LYPD6: variants seen among roughly 807,000 people sequenced by gnomAD.
LYPD6 encodes the protein LY6/PLAUR domain containing 6.
A neutral mutation model predicts 22.7 loss-of-function variants in LYPD6; 15 were observed. That is an observed-to-expected ratio of 0.66 (90% CI 0.44 to 1.02). LYPD6 has a LOEUF of 1.02. LYPD6 is among the 50% of genes least tolerant of loss of function. The pLI is 0.00. For missense variants in LYPD6, 189 were observed against 208.4 expected, an observed-to-expected ratio of 0.91 and a Z score of 0.57; for synonymous variants, 72 against 77.5, an observed-to-expected ratio of 0.93 and a Z score of 0.37.
chr2:149,482,562 A>T, the LYPD6 span, among the ~76,000 whole-genome samples: 1 of 152,044 alleles, frequency 6.6e-6, no homozygotes, highest in East Asian at 1.9e-4. Flanking sequence ...GTTTCTTCAG[A>T]CCCCTTCCAT....
chr2:149,393,083 T>C (rs981753612), intron 1 of LYPD6, among the ~76,000 whole-genome samples: 3 of 152,210 alleles, frequency 2.0e-5, no homozygotes. Flanking sequence ...TGTATGGTCT[T>C]GTGTTCTTTT....
intron 1 of LYPD6, among the ~76,000 whole-genome samples, chr2:149,395,432 T>C (rs752263694): frequency 4.6e-5 from 7 of 152,146 alleles, no homozygotes; most frequent in African/African-American, 1.7e-4. Context: ...ATTTTGAATT[T>C]ATATGCTTTA....
At chr2:149,374,368 T>C in intron 1 of LYPD6, among the ~76,000 whole-genome samples, 1 of 152,202 alleles carries the variant, frequency 6.6e-6, no homozygotes. Flanking sequence ...CAATGTTTAG[T>C]CGAGGTTGAA....
At chr2:149,399,425 T>A (rs1283098677) in intron 1 of LYPD6, among the ~76,000 whole-genome samples, 1 of 152,124 alleles carries the variant, frequency 6.6e-6, no homozygotes, top group African/African-American at 2.4e-5. Context: ...TTTGTGTATT[T>A]TAGTATTTTG....
At chr2:149,389,151 C>T (rs1330095823) in intron 1 of LYPD6, among the ~76,000 whole-genome samples, 2 of 152,096 alleles carry the variant, frequency 1.3e-5, no homozygotes, top group Non-Finnish European at 2.9e-5. Flanking sequence ...AAATTGTATT[C>T]CCTTTGTGAC....
chr2:149,421,389 C>CAAAA (rs771199025), intron 1 of LYPD6, among the ~76,000 whole-genome samples: 4 of 67,398 alleles, frequency 5.9e-5, no homozygotes, highest in Non-Finnish European at 6.0e-5. Context: ...GACTCCATCT[C>CAAAA]AAAAAAAAAA....
intron 1 of LYPD6, among the ~76,000 whole-genome samples, chr2:149,369,295 G>C (rs905395663): frequency 7.2e-5 from 11 of 152,124 alleles, no homozygotes; most frequent in African/African-American, 2.2e-4. Context: ...GACCCAAAAA[G>C]TCTCCAGGAG....
intron 1 of LYPD6, among the ~76,000 whole-genome samples, chr2:149,340,181 A>G (rs1356875196): frequency 6.6e-6 from 1 of 152,158 alleles, no homozygotes; most frequent in South Asian, 2.1e-4. Flanking sequence ...AAAATATTTA[A>G]TATTTTTATG....
At chr2:149,399,160 T>C (rs1682495809) in intron 1 of LYPD6, among the ~76,000 whole-genome samples, 1 of 152,306 alleles carries the variant, frequency 6.6e-6, no homozygotes, top group South Asian at 2.1e-4. Context: ...TGAATTATAG[T>C]AGAATACAAC....
In LYPD6 at chr2:149,347,614, C is replaced by G. The variant is rs192510342; in HGVS notation, c.-72+16892C>G. On this transcript the variant is annotated intron_variant, in intron 1 of 4. Transcript: ENST00000334166. ...AATTTTATTTGCTGTAATTTTATCC[C>G]CAAAATGACAGATTCCTTTTTCATA... 2.9e-3 allele frequency among the ~76,000 whole-genome samples: 447 copies of G among 152,172 alleles called. 2 individuals are homozygous for G. The highest frequency in any genetic ancestry group is 9.7e-3 in the African/African-American group (401 of 41,510).
intron 2 of LYPD6, among the ~76,000 whole-genome samples, chr2:149,439,654 G>C (rs1432459939): frequency 6.6e-6 from 1 of 152,200 alleles, no homozygotes; most frequent in Non-Finnish European, 1.5e-5. Context: ...CAGTAGTGTG[G>C]TGGGTCAGTG....
intron 3 of LYPD6, among the ~76,000 whole-genome samples, chr2:149,459,516 C>G (rs1212725151): frequency 2.6e-5 from 4 of 152,220 alleles, no homozygotes; most frequent in Admixed American, 2.6e-4. Flanking sequence ...TCCTTCTTCT[C>G]TTGAGTTTTC....
rs192497867 is a variant in LYPD6 at position 149,449,530 on chromosome 2, A to G, written c.217+383A>G. 4.1e-4 allele frequency among the ~76,000 whole-genome samples: 62 copies of G among 152,346 alleles called. 1 individual carries two copies. The highest frequency in any genetic ancestry group is 2.6e-4 in the Admixed American group (4 of 15,302). ...TTCATATAAAGATTCCATTGATTACATATCTTGCCAGAGACTTTCATGCAG... is the reference window on the plus strand; with the variant it reads ...TTCATATAAAGATTCCATTGATTACGTATCTTGCCAGAGACTTTCATGCAG... On this transcript the variant is annotated intron_variant, in intron 3 of 4. Transcript: ENST00000334166.
At chr2:149,413,879 C>A (rs1682905446) in intron 1 of LYPD6, among the ~76,000 whole-genome samples, 1 of 152,190 alleles carries the variant, frequency 6.6e-6, no homozygotes, top group African/African-American at 2.4e-5. Context: ...TGGGGTCCAT[C>A]CGCATTCTGC....
intron 3 of LYPD6, among the ~76,000 whole-genome samples, chr2:149,450,778 A>G (rs775339330): frequency 4.6e-5 from 7 of 152,226 alleles, no homozygotes; most frequent in Admixed American, 1.3e-4. Context: ...CGAAAACACT[A>G]ACACCTAGAT....
intron 1 of LYPD6, among the ~76,000 whole-genome samples, chr2:149,405,472 T>C (rs1003925207): frequency 6.6e-6 from 1 of 152,246 alleles, no homozygotes; most frequent in Non-Finnish European, 1.5e-5. Flanking sequence ...GGAGGGTGTA[T>C]GTGTCAAGGA....
At chr2:149,480,077 A>G in the LYPD6 span, among the ~76,000 whole-genome samples, 1 of 150,448 alleles carries the variant, frequency 6.6e-6, no homozygotes, top group African/African-American at 2.5e-5. Flanking sequence ...CTGGAGTGCA[A>G]TGGCTCACGT....
chr2:149,467,951 G>T (rs372123898), intron 3 of LYPD6, among the ~76,000 whole-genome samples: 1 of 152,060 alleles, frequency 6.6e-6, no homozygotes, highest in African/African-American at 2.4e-5. Flanking sequence ...CTCCCATCAT[G>T]GTCTTCATCT....
chr2:149,361,670 T>G lies in LYPD6; in HGVS notation c.-72+30948T>G, dbSNP rs77860694. ...AATATGTCTGTTTTATTCAATAGTT[T>G]ATGAAGTCCTTGAGCTCAGCAGTTG... On this transcript the variant is annotated intron_variant, in intron 1 of 4. Coordinates refer to ENST00000334166, the MANE Select transcript of LYPD6 (RefSeq NM_194317.5). Among the ~76,000 whole-genome samples the G allele has an allele frequency of 1.0e-2, 1,520 of 152,306 alleles. 23 individuals carry two copies. Among genetic ancestry groups the G allele is most frequent in the African/African-American group, 0.034 (1,417 of 41,564 alleles).
Sources: allele counts gnomAD v4.1 joint callset (sites outside exome capture counted in the v4.1 genomes callset), GRCh38; gene constraint gnomAD v4.1.1; transcripts MANE v1.5; gene names NCBI Gene and HGNC (gene_info 2026-07-23, HGNC 2026-07-21).